Variants in TENM2 observed in about 807,000 individuals in gnomAD.
TENM2 encodes the protein teneurin transmembrane protein 2, also known as teneurin-2.
A neutral mutation model predicts 245.2 loss-of-function variants in TENM2; 52 were observed. That is an observed-to-expected ratio of 0.21 (90% CI 0.17 to 0.27). The LOEUF is 0.27. TENM2 is among the 10% of genes least tolerant of loss of function. TENM2 has a pLI of 1.00. For missense variants in TENM2, 3,046 were observed against 3,666.8 expected, an observed-to-expected ratio of 0.83 and a Z score of 4.37; for synonymous variants, 1,363 against 1,438.9, an observed-to-expected ratio of 0.95 and a Z score of 1.19.
At chr5:167,172,149 A>G in the TENM2 span, among the ~76,000 whole-genome samples, 1 of 152,176 alleles carries the variant, frequency 6.6e-6, no homozygotes, top group African/African-American at 2.4e-5. Flanking sequence ...TGACACAGGC[A>G]CAACCGTCAG....
chr5:168,012,257 A>G (rs1408641806), intron 5 of TENM2, among the ~76,000 whole-genome samples: 1 of 152,200 alleles, frequency 6.6e-6, no homozygotes, highest in Non-Finnish European at 1.5e-5. Flanking sequence ...TTCCTTAGCT[A>G]GTACTCCATT....
At chr5:167,761,650 A>G (rs1416263558) in intron 2 of TENM2, among the ~76,000 whole-genome samples, 1 of 152,230 alleles carries the variant, frequency 6.6e-6, no homozygotes, top group Non-Finnish European at 1.5e-5. Flanking sequence ...ACCATCAAGT[A>G]GCACTTACAC....
At chr5:168,034,093 G>GTGTATA (rs1562077218) in intron 5 of TENM2, among the ~76,000 whole-genome samples, 1 of 122,510 alleles carries the variant, frequency 8.2e-6, no homozygotes. Context: ...ATATATATGT[G>GTGTATA]TATATATATA....
the TENM2 span, among the ~76,000 whole-genome samples, chr5:167,126,955 C>T: frequency 6.6e-6 from 1 of 151,454 alleles, no homozygotes; most frequent in Non-Finnish European, 1.5e-5. Context: ...AAAATTGGTA[C>T]ATTTGTAGCA....
chr5:167,057,123 C>T, the TENM2 span, among the ~76,000 whole-genome samples: 2 of 152,042 alleles, frequency 1.3e-5, no homozygotes, highest in African/African-American at 4.8e-5. Flanking sequence ...ACTAATGGGC[C>T]AGTTAATAGT....
the TENM2 span, among the ~76,000 whole-genome samples, chr5:167,188,021 C>T: frequency 3.3e-5 from 5 of 152,130 alleles, no homozygotes; most frequent in Admixed American, 3.3e-4. Flanking sequence ...TGATTAGTCA[C>T]TAATCTTCCA....
the TENM2 span, among the ~76,000 whole-genome samples, chr5:166,993,505 C>T: frequency 1.3e-5 from 2 of 152,102 alleles, no homozygotes; most frequent in Non-Finnish European, 2.9e-5. Flanking sequence ...GCAGAGCTTG[C>T]CAGGGAGACA....
chr5:167,819,320 G>C (rs1767318667), intron 2 of TENM2, among the ~76,000 whole-genome samples: 1 of 152,162 alleles, frequency 6.6e-6, no homozygotes, highest in African/African-American at 2.4e-5. Context: ...GTCATTGGAA[G>C]TGACAGTCAC....
At chr5:167,340,218 A>G (rs1329724312) in intron 1 of TENM2, among the ~76,000 whole-genome samples, 1 of 152,156 alleles carries the variant, frequency 6.6e-6, no homozygotes, top group East Asian at 1.9e-4. Context: ...CTGTATTTCT[A>G]TAATGCACCT....
the TENM2 span, among the ~76,000 whole-genome samples, chr5:167,084,910 C>T: frequency 6.6e-6 from 1 of 152,118 alleles, no homozygotes; most frequent in African/African-American, 2.4e-5. Flanking sequence ...TTAAATAAGG[C>T]TGTTATTCAT....
intron 10 of TENM2, among the ~76,000 whole-genome samples, 155 bp from the exon 13 acceptor site, chr5:168,124,695 C>A (rs1469026159): frequency 6.6e-6 from 1 of 152,168 alleles, no homozygotes; most frequent in Non-Finnish European, 1.5e-5. Flanking sequence ...CTTCAGGTGA[C>A]CACATAAGTA....
intron 2 of TENM2, among the ~76,000 whole-genome samples, chr5:167,789,559 A>G (rs1764810532): frequency 6.6e-6 from 1 of 152,196 alleles, no homozygotes; most frequent in Non-Finnish European, 1.5e-5. Context: ...GACACTTTGA[A>G]TGTCCTGTGC....
At chr5:167,286,527 A>C (rs2127712453) in intron 1 of TENM2, among the ~76,000 whole-genome samples, 1 of 152,328 alleles carries the variant, frequency 6.6e-6, no homozygotes, top group Middle Eastern at 3.4e-3. Context: ...CAATATAATA[A>C]AATTGGGACA....
At chr5:168,262,440 C>T in exon 29 of TENM2, 1 of 1,572,516 alleles carries the variant, frequency 6.4e-7, no homozygotes, top group Non-Finnish European at 8.6e-7. Flanking sequence ...GTGACCGTGT[C>T]CCAGCCCACG....
chr5:167,883,392 G>GCACA (rs138368123), intron 3 of TENM2, among the ~76,000 whole-genome samples: 5 of 151,364 alleles, frequency 3.3e-5, no homozygotes, highest in African/African-American at 1.2e-4. Flanking sequence ...GTGTGCACAC[G>GCACA]CACACACACA....
At chr5:167,946,702 T>C (rs75492341) in intron 3 of TENM2, among the ~76,000 whole-genome samples, 1,808 of 152,242 alleles carry the variant, frequency 0.012, 33 homozygotes, top group African/African-American at 0.041. Context: ...AGACCTGGGA[T>C]CGTGTGCCAG....
intron 4 of TENM2, among the ~76,000 whole-genome samples, chr5:167,971,102 A>G (rs1253326782): frequency 6.6e-6 from 1 of 152,164 alleles, no homozygotes; most frequent in Non-Finnish European, 1.5e-5. Flanking sequence ...GTTTGGGGAA[A>G]AGAGCGAAGT....
chr5:168,031,681 AG>A (rs1380210106), intron 5 of TENM2, among the ~76,000 whole-genome samples: 1 of 127,278 alleles, frequency 7.9e-6, no homozygotes, highest in Non-Finnish European at 1.6e-5. Context: ...GGAAAGAGGG[AG>A]GAAGGGAGCA....
chr5:167,044,237 A>C, the TENM2 span, among the ~76,000 whole-genome samples: 1 of 152,180 alleles, frequency 6.6e-6, no homozygotes, highest in African/African-American at 2.4e-5. Flanking sequence ...AATCTGGCAG[A>C]TTGAGGAGCT....
Sources: gnomAD v4.1 joint callset for allele counts (sites outside exome capture counted in the v4.1 genomes callset) on GRCh38, gnomAD v4.1.1 for gene constraint, MANE v1.5 for transcripts, NCBI Gene and HGNC (gene_info 2026-07-23, HGNC 2026-07-21) for gene names.